Variants in FSTL5 observed in about 807,000 individuals in gnomAD.
FSTL5 encodes follistatin like 5.
In FSTL5, 62 loss-of-function variants were observed where a neutral mutation model predicts 89.1. That is an observed-to-expected ratio of 0.70 (90% CI 0.57 to 0.86). The LOEUF (loss-of-function observed/expected upper bound fraction) is 0.86. FSTL5 is among the 40% of genes least tolerant of loss of function. The pLI, the probability that FSTL5 is intolerant of heterozygous loss-of-function variation, is 0.00. For missense variants in FSTL5, 1,057 were observed against 1,001.6 expected, an observed-to-expected ratio of 1.06 and a Z score of -0.75; for synonymous variants, 383 against 346.2, an observed-to-expected ratio of 1.11 and a Z score of -1.18.
intron 4 of FSTL5, among the ~76,000 whole-genome samples, chr4:161,865,484 C>A (rs1375878283): frequency 6.6e-6 from 1 of 152,074 alleles, no homozygotes; most frequent in Non-Finnish European, 1.5e-5. Flanking sequence ...CCTACTATTT[C>A]TACTCATTTA....
chr4:162,089,656 A>AG lies in FSTL5; in HGVS notation c.126+21614_126+21615insC, dbSNP rs148984957. Among the ~76,000 whole-genome samples, 313 of 136,362 alleles carry AG rather than the reference A, an allele frequency of 2.3e-3. 5 individuals carry two copies. Among genetic ancestry groups the AG allele is most frequent in the East Asian group, 9.6e-3 (43 of 4,502 alleles). 89.5% of individuals were successfully genotyped at this position (136,362 alleles called of 152,430 possible). On this transcript the variant is annotated intron_variant, in intron 2 of 15. Coordinates refer to ENST00000306100, the MANE Select transcript of FSTL5 (RefSeq NM_020116.5). Reference sequence around the variant, plus strand: ...TCAAAAAAAAAAAAAAAAAAGAAAAAAAAGAAAGAAAGAAATTGGGTTAAT... The same window carrying AG: ...TCAAAAAAAAAAAAAAAAAAGAAAAAGAAAGAAAGAAAGAAATTGGGTTAAT...
chr4:161,754,892 T>C (rs1445603643), intron 6 of FSTL5, among the ~76,000 whole-genome samples: 1 of 152,114 alleles, frequency 6.6e-6, no homozygotes, highest in Non-Finnish European at 1.5e-5. Flanking sequence ...AAATTTGAAT[T>C]GGAAGACAAT....
At chr4:162,041,627 A>C (rs1476491767) in intron 2 of FSTL5, among the ~76,000 whole-genome samples, 1 of 151,978 alleles carries the variant, frequency 6.6e-6, no homozygotes, top group Non-Finnish European at 1.5e-5. Flanking sequence ...TTCATATTGT[A>C]TTTGCTGTGT....
intron 3 of FSTL5, among the ~76,000 whole-genome samples, chr4:162,020,750 G>A (rs911284202): frequency 6.6e-6 from 1 of 151,652 alleles, no homozygotes; most frequent in Non-Finnish European, 1.5e-5. Context: ...AAAAAAAACA[G>A]AAAAAAGTTA....
chr4:161,443,782 A>T (rs1732855763), intron 15 of FSTL5, among the ~76,000 whole-genome samples: 1 of 151,970 alleles, frequency 6.6e-6, no homozygotes, highest in Middle Eastern at 3.4e-3. Context: ...CTAAATGAGA[A>T]TTGGAAAGGG....
intron 3 of FSTL5, among the ~76,000 whole-genome samples, chr4:161,963,589 G>GTATGCTTC (rs1272239830): frequency 1.3e-5 from 2 of 151,876 alleles, no homozygotes; most frequent in Admixed American, 6.6e-5. Context: ...TCTTTAACCT[G>GTATGCTTC]TATGCTTCTA....
At chr4:161,727,315 G>C (rs1023497608) in intron 6 of FSTL5, among the ~76,000 whole-genome samples, 8 of 152,208 alleles carry the variant, frequency 5.3e-5, no homozygotes, top group African/African-American at 1.9e-4. Context: ...GATTTGAATT[G>C]TTGTTAGTCC....
intron 5 of FSTL5, among the ~76,000 whole-genome samples, chr4:161,771,741 C>T (rs1372036067): frequency 6.6e-6 from 1 of 152,134 alleles, no homozygotes; most frequent in Non-Finnish European, 1.5e-5. Context: ...ATATTGTCAA[C>T]TTCATAAAAC....
intron 15 of FSTL5, among the ~76,000 whole-genome samples, chr4:161,453,605 TA>T (rs968773154): frequency 2.0e-4 from 31 of 152,252 alleles, no homozygotes; most frequent in African/African-American, 7.2e-4. Flanking sequence ...TAATTACTAT[TA>T]TTATTTTTTG....
chr4:161,749,115 G>C (rs1740305190), intron 6 of FSTL5, among the ~76,000 whole-genome samples: 1 of 152,084 alleles, frequency 6.6e-6, no homozygotes, highest in Non-Finnish European at 1.5e-5. Flanking sequence ...AAGCAGTATG[G>C]AGATACTTCA....
At chr4:161,560,382 C>T (rs1732551153) in intron 8 of FSTL5, among the ~76,000 whole-genome samples, 1 of 151,800 alleles carries the variant, frequency 6.6e-6, no homozygotes, top group African/African-American at 2.4e-5. Context: ...ACACTGAACA[C>T]TCAGGCTATA....
At chr4:161,746,507 A>G (rs569862785) in intron 6 of FSTL5, among the ~76,000 whole-genome samples, 1 of 152,244 alleles carries the variant, frequency 6.6e-6, no homozygotes, top group Admixed American at 6.5e-5. Context: ...TGACTGTAGC[A>G]TTTGACAATA....
intron 12 of FSTL5, among the ~76,000 whole-genome samples, chr4:161,491,911 G>C (rs1729891920): frequency 6.6e-6 from 1 of 151,606 alleles, no homozygotes; most frequent in Admixed American, 6.6e-5. Flanking sequence ...CACCTTGGTA[G>C]AGTTTTCAGG....
chr4:161,673,298 A>AT, intron 6 of FSTL5, among the ~76,000 whole-genome samples: 1 of 152,108 alleles, frequency 6.6e-6, no homozygotes, highest in African/African-American at 2.4e-5. Flanking sequence ...ATTTTGTGGC[A>AT]TTTTTTTACA....
At position 161,500,152 on chromosome 4, in the gene FSTL5, A is replaced by T; in HGVS notation, c.1340-18T>A. 7.0e-7 allele frequency: 1 copy of T among 1,427,260 alleles called. No individual in the cohort carries two copies. Among genetic ancestry groups the T allele is most frequent in the Non-Finnish European group, 9.8e-7 (1 of 1,025,036 alleles). The allele number at this position is 1,427,260 out of a possible 1,614,324, so 88.4% of individuals were successfully genotyped here. ...TCCCAGACCTTAGGAATAAAAACAC[A>T]TTTAAATGTTCAAAATATAATTATC... On this transcript the variant is annotated intron_variant, in intron 11 of 15. Transcript: ENST00000306100.
At chr4:161,433,258 T>C (rs1732444367) in intron 15 of FSTL5, among the ~76,000 whole-genome samples, 1 of 151,908 alleles carries the variant, frequency 6.6e-6, no homozygotes, top group African/African-American at 2.4e-5. Context: ...CAGAAATATG[T>C]AAATCAATCA....
intron 1 of FSTL5, among the ~76,000 whole-genome samples, chr4:162,161,129 T>C (rs1579074101): frequency 6.6e-6 from 1 of 151,930 alleles, no homozygotes; most frequent in Admixed American, 6.6e-5. Flanking sequence ...GTGCTGTATA[T>C]ATTTGCAGTG....
intron 3 of FSTL5, among the ~76,000 whole-genome samples, chr4:162,006,879 G>C (rs17537622): frequency 0.11 from 16,236 of 151,952 alleles, 902 homozygotes; most frequent in Non-Finnish European, 0.13. Context: ...TGGTTTTGGA[G>C]AGGAATTGCT....
At chr4:161,870,596 A>G (rs59786435) in intron 4 of FSTL5, among the ~76,000 whole-genome samples, 1 of 152,110 alleles carries the variant, frequency 6.6e-6, no homozygotes, top group Admixed American at 6.5e-5. Context: ...TATACTTAGC[A>G]CTCAATAAAT....
Sources: allele counts gnomAD v4.1 joint callset (sites outside exome capture counted in the v4.1 genomes callset), GRCh38; gene constraint gnomAD v4.1.1; transcripts MANE v1.5; gene names NCBI Gene and HGNC (gene_info 2026-07-23, HGNC 2026-07-21).